Variants in CDC45 observed in about 807,000 individuals in gnomAD.
CDC45 encodes cell division cycle 45.
In CDC45, 54 loss-of-function variants were observed where a neutral mutation model predicts 77.8. The observed-to-expected ratio is 0.69, with a 90% confidence interval of 0.56 to 0.87. The LOEUF (loss-of-function observed/expected upper bound fraction) is 0.87, where lower values mean the gene tolerates loss of function less well. Ranked by LOEUF, CDC45 falls within the 40% of genes least tolerant of loss-of-function variation. The pLI is 0.00. For synonymous variants in CDC45, 260 were observed against 272.1 expected, an observed-to-expected ratio of 0.96 and a Z score of 0.44; for missense variants, 649 against 721.6, an observed-to-expected ratio of 0.90 and a Z score of 1.15.
At chr22:19,507,066 G>T (rs554509230) in intron 10 of CDC45, among the ~76,000 whole-genome samples, 59 of 152,210 alleles carry the variant, frequency 3.9e-4, no homozygotes, top group Non-Finnish European at 7.8e-4. Context: ...ACGACAAGCT[G>T]GTGACGCCCA....
Position 19,520,052 on chromosome 22 carries a change from T to C in CDC45, c.*2-429T>C, listed in dbSNP as rs1315496704. On this transcript the variant is annotated intron_variant, in intron 18 of 18. Coordinates refer to ENST00000263201, the MANE Select transcript of CDC45 (RefSeq NM_003504.5). The surrounding 1 kb of genome is among the most constrained non-coding windows in gnomAD (Gnocchi z 4.5). ...AGGCAGAGGTGGGGCTCTCTGGCAG[T>C]GGAGTGGGTGCTAGAGGCAAACCCC... Among the ~76,000 whole-genome samples the C allele has an allele frequency of 6.6e-6, 1 of 152,098 alleles. No homozygotes were observed. Among genetic ancestry groups the C allele is most frequent in the Non-Finnish European group, 1.5e-5 (1 of 68,014 alleles).
At chr22:19,495,003 A>G (rs1322547895) in intron 6 of CDC45, among the ~76,000 whole-genome samples, 3 of 152,208 alleles carry the variant, frequency 2.0e-5, no homozygotes, top group Non-Finnish European at 4.4e-5. Context: ...GTGAACTATG[A>G]TTGTGCCATT....
intron 5 of CDC45, among the ~76,000 whole-genome samples, chr22:19,484,435 T>A (rs750689697): frequency 6.6e-6 from 1 of 152,226 alleles, no homozygotes; most frequent in Non-Finnish European, 1.5e-5. Context: ...GGGAGGTATC[T>A]TGTATGTGAA....
Position 19,507,528 on chromosome 22 carries a change from G to A in CDC45, c.956+11G>A. ...CCTTGCAGACATGGGGTGAGTGACT[G>A]CCTGGGCCTCTGCAGTGCCAGCCCT... On this transcript the variant is annotated intron_variant, in intron 11 of 18. Coordinates refer to ENST00000263201, the MANE Select transcript of CDC45 (RefSeq NM_003504.5). The A allele has an allele frequency of 1.9e-6, 3 of 1,613,864 alleles. No homozygotes were observed. Among genetic ancestry groups the A allele is most frequent in the Non-Finnish European group, 2.5e-6 (3 of 1,179,934 alleles).
Position 19,499,108 on chromosome 22 carries a change from A to T in CDC45, c.661A>T (p.Ile221Phe). ...TGCCTTCTCTTCTTCCAGGTGGGCC[A>T]TCGTTGGACTAACAGACCAGTGGGT... Reference protein sequence around the residue: ...KDLNDMLWWAIVGLTDQWVQD... With the variant: ...KDLNDMLWWAFVGLTDQWVQD... Residue 221 changes from isoleucine (I) to phenylalanine (F), a missense_variant, in exon 9 of 19, where the codon ATC (isoleucine) becomes TTC (phenylalanine). By Grantham distance (21) the Ile-to-Phe change is conservative. Transcript: ENST00000263201. 6.2e-7 allele frequency: 1 copy of T among 1,614,148 alleles called. No individual in the cohort carries two copies. The highest frequency in any genetic ancestry group is 8.5e-7 in the Non-Finnish European group (1 of 1,179,992).
rs141251175 is a variant in CDC45 at position 19,482,816 on chromosome 22, A to G, written c.331A>G (p.Asn111Asp). 4.3e-6 allele frequency: 7 copies of G among 1,613,970 alleles called. No homozygotes were observed. Among genetic ancestry groups the G allele is most frequent in the Non-Finnish European group, 5.1e-6 (6 of 1,179,968 alleles). The part of the protein sequence containing the change: ...HRPVNVVNVY[N>D]DTQIKLLIKQ... ...GCCAGTCAATGTCGTCAATGTATAC[A>G]ACGATACCCAGGTACTTTTTGTGCT... Residue 111 changes from asparagine (N) to aspartate (D), a missense_variant, in exon 4 of 19, where the codon AAC becomes GAC. Transcript: ENST00000263201.
chr22:19,484,043 T>C, intron 5 of CDC45, 38 bp downstream of exon 5: 1 of 1,565,936 alleles, frequency 6.4e-7, no homozygotes, highest in East Asian at 2.3e-5. Context: ...CAGAGGAACT[T>C]GCACTCCCAG....
intron 12 of CDC45, 99 bp from the exon 13 acceptor site, chr22:19,508,431 C>T (rs1933329024): frequency 9.5e-6 from 12 of 1,260,162 alleles, no homozygotes; most frequent in Non-Finnish European, 1.4e-5. Flanking sequence ...GAAGCATTGA[C>T]TTGGGCCTGT....
At chr22:19,511,329 C>CTTTTTTTT (rs374439054) in intron 13 of CDC45, among the ~76,000 whole-genome samples, 3 of 126,316 alleles carry the variant, frequency 2.4e-5, no homozygotes, top group African/African-American at 3.0e-5. Context: ...AGTCCTTTGT[C>CTTTTTTTT]TTTTTTTTTT....
At chr22:19,515,131 G>A (rs922072702) in intron 15 of CDC45, 83 bp downstream of exon 15, 3 of 1,312,500 alleles carry the variant, frequency 2.3e-6, no homozygotes, top group Admixed American at 2.6e-5. Context: ...TGCTGGCCTT[G>A]GGGTGCCTGT....
intron 17 of CDC45, among the ~76,000 whole-genome samples, chr22:19,518,529 G>A (rs889454698): frequency 6.6e-6 from 1 of 152,198 alleles, no homozygotes. Context: ...GGGGACGGGG[G>A]TTCATGCCAG....
chr22:19,492,605 A>T (rs1018608849), intron 5 of CDC45, among the ~76,000 whole-genome samples: 2 of 152,064 alleles, frequency 1.3e-5, no homozygotes, highest in African/African-American at 4.8e-5. Context: ...TGCTGTTGGC[A>T]TCGGTGGGTT....
chr22:19,499,201 G>A, intron 9 of CDC45, 50 bp downstream of exon 9: 1 of 1,591,892 alleles, frequency 6.3e-7, no homozygotes, highest in Non-Finnish European at 8.6e-7. Flanking sequence ...GCTGTGGCCA[G>A]GTGCACAGCC....
intron 4 of CDC45, among the ~76,000 whole-genome samples, 165 bp from the exon 5 acceptor site, chr22:19,483,697 A>G (rs533926211): frequency 6.6e-6 from 1 of 152,364 alleles, no homozygotes; most frequent in Non-Finnish European, 1.5e-5. Flanking sequence ...AATGAAAACA[A>G]GAAAATTCCT....
At chr22:19,518,244 C>T (rs1229125200) in intron 17 of CDC45, among the ~76,000 whole-genome samples, 5 of 152,164 alleles carry the variant, frequency 3.3e-5, no homozygotes, top group African/African-American at 1.2e-4. Context: ...GCAGAGTGGG[C>T]CATGTCTAGT....
At chr22:19,507,666 C>G (rs954496900) in intron 11 of CDC45, 100 bp from the exon 12 acceptor site, 34 of 1,346,024 alleles carry the variant, frequency 2.5e-5, no homozygotes, top group Non-Finnish European at 3.4e-5. Context: ...CTTCTGAATG[C>G]TGGTGCGGGG....
chr22:19,518,308 G>A (rs1427173203), intron 17 of CDC45, among the ~76,000 whole-genome samples: 1 of 152,212 alleles, frequency 6.6e-6, no homozygotes, highest in Admixed American at 6.5e-5. Context: ...TGGCAGCATA[G>A]ATGGCTCCCA....
intron 5 of CDC45, 102 bp from the exon 6 acceptor site, chr22:19,494,225 T>C: frequency 1.1e-6 from 1 of 939,042 alleles, no homozygotes; most frequent in South Asian, 1.4e-5. Context: ...CTCTCAGGGG[T>C]CTGGGCCTAC....
In CDC45 at chr22:19,507,509, A is replaced by G. The variant is rs149303884; in HGVS notation, c.948A>G (p.Ala316=). The change falls in exon 11 of 19, where the codon GCA becomes GCG. Residue 316 remains alanine, a synonymous_variant. Transcript: ENST00000263201. The stretch of plus-strand genomic sequence containing the variant: ...AGAAGCGGCTCCAGGAGTTCCTTGC[A>G]GACATGGGGTGAGTGACTGCCTGGG... ...HGQKRLQEFL[A]DMGLPLKQVK... is the part of the protein sequence containing the mutation. The G allele has an allele frequency of 1.2e-4, 190 of 1,614,044 alleles. No homozygotes were observed. The highest frequency in any genetic ancestry group is 1.6e-4 in the Non-Finnish European group (187 of 1,180,038).
Sources: allele counts gnomAD v4.1 joint callset (sites outside exome capture counted in the v4.1 genomes callset), GRCh38; gene constraint gnomAD v4.1.1; non-coding constraint Gnocchi (gnomAD v3.1); transcripts MANE v1.5; gene names NCBI Gene and HGNC (gene_info 2026-07-23, HGNC 2026-07-21).